The following HGS variants were observed in gnomAD, a reference collection of about 807,000 sequenced individuals.
HGS encodes hepatocyte growth factor-regulated tyrosine kinase substrate, also known as human growth factor-regulated tyrosine kinase substrate.
HGS carries 63 observed loss-of-function variants against 109.7 expected under a neutral mutation model. The ratio of observed to expected loss-of-function variants is 0.57; its 90% CI spans 0.47 to 0.71. The LOEUF (loss-of-function observed/expected upper bound fraction) is 0.71. Ranked by LOEUF, HGS falls within the 30% of genes least tolerant of loss-of-function variation. HGS has a pLI of 0.00. For missense variants in HGS, 995 were observed against 1,068.3 expected (o/e 0.93, Z 0.96); for synonymous variants, 546 against 437.3 (o/e 1.25, Z -3.10).
At position 81,701,576 on chromosome 17, in the gene HGS, G is replaced by A. The variant is rs749407497; in HGVS notation, c.2292G>A (p.Pro764=). Residue 764 remains proline (P), a synonymous_variant, in exon 22 of 22, where the codon CCG becomes CCA. Transcript: ENST00000329138. The part of the protein sequence containing the change: ...PVAQQPQAQG[P]PAQGSEAQLI... ...CCCAGCAACCGCAGGCACAGGGGCC[G>A]CCGGCACAGGGCAGCGAGGCCCAGC... The A allele has an allele frequency of 1.1e-5, 17 of 1,571,014 alleles. No individual in the cohort carries two copies. The Admixed American group carries it at 1.4e-4, about 13-fold the overall frequency.
At position 81,694,910 on chromosome 17, in the gene HGS, C is replaced by G. The variant is rs1172306781; in HGVS notation, c.976-14C>G. 1.2e-6 allele frequency: 2 copies of G among 1,614,240 alleles called. No individual in the cohort carries two copies. Among genetic ancestry groups the G allele is most frequent in the Non-Finnish European group, 1.7e-6 (2 of 1,180,040 alleles). On this transcript the variant is annotated splice_polypyrimidine_tract_variant and intron_variant, in intron 12 of 21. Transcript: ENST00000329138. ...GGTTTCTGGCCTTGGGAGTGACCCCCTCATTGCCTGCAGCTCGCACGGTAT... is the reference window on the plus strand; with the variant it reads ...GGTTTCTGGCCTTGGGAGTGACCCCGTCATTGCCTGCAGCTCGCACGGTAT...
Position 81,693,823 on chromosome 17 carries a change from GGGGCGTCACGTGCACCCAAGTGACGC to G in HGS, c.841-46_841-21del, listed in dbSNP as rs757185228. 1.9e-6 allele frequency: 3 copies of G among 1,563,976 alleles called. No homozygotes were observed. In the African/African-American group the frequency reaches 4.1e-5, roughly 21 times the overall value. On this transcript the variant is annotated intron_variant, in intron 10 of 21. Transcript: ENST00000329138. Reference sequence around the variant, plus strand: ...CTGGATGTGCTGCGGTGGGGCCGGAGGGGCGTCACGTGCACCCAAGTGACGCCCCTTCTGATTCTGCCTCAGAGACA... The same window carrying G: ...CTGGATGTGCTGCGGTGGGGCCGGAGCCCTTCTGATTCTGCCTCAGAGACA...
At position 81,693,567 on chromosome 17, in the gene HGS, T is replaced by A. The variant is rs372459550; in HGVS notation, c.727T>A (p.Ser243Thr). The A allele has an allele frequency of 4.3e-6, 7 of 1,610,582 alleles. No individual in the cohort carries two copies. The highest frequency in any genetic ancestry group is 1.1e-5 in the South Asian group (1 of 90,874). ...CCCCGAGTACCTGACCAGCCCCCTG[T>A]CTCAGCAGTCCCAGGTACTCAGCCC... ...LPPEYLTSPL[S>T]QQSQLPPKRD... is the part of the protein sequence containing the mutation. The change falls in exon 9 of 22, where the codon TCT (serine) becomes ACT (threonine). Residue 243 changes from serine (S) to threonine (T), a missense_variant. Transcript: ENST00000329138.
intron 18 of HGS, 60 bp downstream of exon 18, chr17:81,697,058 T>C (rs2037162868): frequency 6.8e-7 from 1 of 1,475,250 alleles, no homozygotes; most frequent in South Asian, 1.3e-5. Flanking sequence ...TTTAGCCGAA[T>C]TTACAGAAAA....
intron 2 of HGS, 97 bp downstream of exon 2, chr17:81,685,786 G>C (rs1005330699): frequency 9.4e-6 from 8 of 850,056 alleles, no homozygotes; most frequent in South Asian, 3.3e-5. Context: ...GTAGCTGACC[G>C]TGTTAGGCTC....
rs7218012 is a variant in HGS, at chr17:81,695,079, A to G, written c.1119+12A>G. The G allele has an allele frequency of 3.4e-4, 546 of 1,611,892 alleles. 1 individual carries two copies. The African/African-American group carries it at 3.7e-3, about 11-fold the overall frequency. On this transcript the variant is annotated intron_variant, in intron 13 of 21. Coordinates refer to ENST00000329138, the MANE Select transcript of HGS (RefSeq NM_004712.5). ...CCAACGTGGTGGAGGTGAGGGGGCCACTCCCGGCATTCCTAGTGGCAGGGT... is the reference window on the plus strand; with the variant it reads ...CCAACGTGGTGGAGGTGAGGGGGCCGCTCCCGGCATTCCTAGTGGCAGGGT...
intron 4 of HGS, 98 bp from the exon 5 acceptor site, chr17:81,688,606 T>C: frequency 6.8e-7 from 1 of 1,475,858 alleles, no homozygotes; most frequent in Non-Finnish European, 9.3e-7. Context: ...GTCAGCCCCA[T>C]CTGCTCAGAG....
At chr17:81,690,048 C>A in intron 5 of HGS, 134 bp from the exon 6 acceptor site, 1 of 882,568 alleles carries the variant, frequency 1.1e-6, no homozygotes, top group East Asian at 2.7e-5. Context: ...AGGAGGCTGT[C>A]TCGGTGCCCC....
rs373883614 is a variant in HGS, at chr17:81,700,489, C to T, written c.1905C>T (p.Tyr635=). Reference sequence around the variant, plus strand: ...CAGATCCCAGCATGGTGAGTGCCTACATGTACCCAGCAGGGGCCACTGGGG... The same window carrying T: ...CAGATCCCAGCATGGTGAGTGCCTATATGTACCCAGCAGGGGCCACTGGGG... ...TAADPSMVSA[Y]MYPAGATGAQ... The change falls in exon 19 of 22, where the codon TAC becomes TAT. Residue 635 remains tyrosine, a synonymous_variant. Transcript: ENST00000329138. The T allele has an allele frequency of 5.6e-5, 90 of 1,596,776 alleles. No individual in the cohort carries two copies. The highest frequency in any genetic ancestry group is 4.2e-4 in the East Asian group (19 of 44,734).
At chr17:81,688,891 G>A (rs1030238034) in intron 5 of HGS, 64 bp downstream of exon 5, 19 of 1,601,044 alleles carry the variant, frequency 1.2e-5, no homozygotes, top group Middle Eastern at 1.7e-4. Context: ...CAGGCTCAAC[G>A]GGCACAGTGG....
At position 81,696,549 on chromosome 17, in the gene HGS, A is replaced by C. The variant is rs2037151635; in HGVS notation, c.1566+20A>C. The C allele has an allele frequency of 6.5e-7, 1 of 1,538,978 alleles. No homozygotes were observed. The highest frequency in any genetic ancestry group is 2.3e-5 in the East Asian group (1 of 43,276). ...AAGCAGGTGCAGTGGCTGCCCAGCC[A>C]CAGGCCGGGGCCGGCTGGGGGACCT... On this transcript the variant is annotated intron_variant, in intron 16 of 21. Transcript: ENST00000329138.
Position 81,695,830 on chromosome 17 carries a change from C to G in HGS, c.1224C>G (p.Phe408Leu). 1 of 1,613,530 alleles carries G rather than the reference C, an allele frequency of 6.2e-7. No homozygotes were observed. The highest frequency in any genetic ancestry group is 8.5e-7 in the Non-Finnish European group (1 of 1,180,002). Reference sequence around the variant, plus strand: ...AGTCTGAGGAGAGCCACGAGCAGTTCCTGAAGGCGCTGCAGAACGCCGTCA... The same window carrying G: ...AGTCTGAGGAGAGCCACGAGCAGTTGCTGAAGGCGCTGCAGAACGCCGTCA... ...NGESEESHEQFLKALQNAVTT... is the reference protein window; with the variant it reads ...NGESEESHEQLLKALQNAVTT... Residue 408 changes from phenylalanine to leucine, a missense_variant, in exon 15 of 22, where the codon TTC becomes TTG. Physicochemically the swap from Phe to Leu is conservative, Grantham distance 22. Coordinates refer to ENST00000329138, the MANE Select transcript of HGS (RefSeq NM_004712.5).
chr17:81,686,408 C>G (rs759959815), intron 3 of HGS, 21 bp downstream of exon 3: 1 of 1,595,682 alleles, frequency 6.3e-7, no homozygotes, highest in East Asian at 2.2e-5. Flanking sequence ...CCCCGTGCCT[C>G]AGTGGCCCCC....
At position 81,701,785 on chromosome 17, in the gene HGS, A is replaced by G; in HGVS notation, c.*167A>G. On this transcript the variant is annotated 3_prime_UTR_variant, in exon 22 of 22. Coordinates refer to ENST00000329138, the MANE Select transcript of HGS (RefSeq NM_004712.5). Reference sequence around the variant, plus strand: ...AGCCCACCTCCCTTGTCCTCAGCCTACTGCAGTCCCTGAGTTAGTCTCTGC... The same window carrying G: ...AGCCCACCTCCCTTGTCCTCAGCCTGCTGCAGTCCCTGAGTTAGTCTCTGC... 1 of 987,364 alleles carries G rather than the reference A, an allele frequency of 1.0e-6. No individual in the cohort carries two copies. Among genetic ancestry groups the G allele is most frequent in the Non-Finnish European group, 1.4e-6 (1 of 707,172 alleles). The allele number at this position is 987,364 out of a possible 1,614,324, so 61.2% of individuals were successfully genotyped here. A position where few individuals can be genotyped will look rare whatever the true frequency, so the allele number is the denominator to read the frequency against.
At chr17:81,698,744 T>C (rs1393375680) in intron 18 of HGS, among the ~76,000 whole-genome samples, 1 of 152,174 alleles carries the variant, frequency 6.6e-6, no homozygotes, top group Non-Finnish European at 1.5e-5. Context: ...TCTGTGTATG[T>C]GCGAATACAT....
chr17:81,701,599 A>G lies in HGS; in HGVS notation c.2315A>G (p.Gln772Arg), dbSNP rs1175560208. ...QGPPAQGSEAQLISFD is the reference protein window; with the variant it reads ...QGPPAQGSEARLISFD ...CCGCCGGCACAGGGCAGCGAGGCCC[A>G]GCTCATTTCATTCGACTGACCCAGG... Residue 772 changes from glutamine (Q) to arginine (R), a missense_variant, in exon 22 of 22, where the codon CAG becomes CGG. By Grantham distance (43) the Gln-to-Arg change is conservative. Coordinates refer to ENST00000329138, the MANE Select transcript of HGS (RefSeq NM_004712.5). 1 of 1,567,626 alleles carries G rather than the reference A, an allele frequency of 6.4e-7. No homozygotes were observed. The highest frequency in any genetic ancestry group is 1.2e-5 in the South Asian group (1 of 86,558).
At position 81,701,516 on chromosome 17, in the gene HGS, C is replaced by A. The variant is rs375749712; in HGVS notation, c.2232C>A (p.Pro744=). Residue 744 remains proline, a synonymous_variant, in exon 22 of 22, where the codon CCC becomes CCA. Transcript: ENST00000329138. ...GQQPMYQQMA[P]SGGPPQQQPP... ...GCTTTCCTCCTGCACAGATGGCACCCTCTGGCGGTCCCCCCCAGCAGCAGC... is the reference window on the plus strand; with the variant it reads ...GCTTTCCTCCTGCACAGATGGCACCATCTGGCGGTCCCCCCCAGCAGCAGC... 36 of 1,557,304 alleles carry A rather than the reference C, an allele frequency of 2.3e-5. No homozygotes were observed. The East Asian group carries it at 8.3e-4, about 36-fold the overall frequency.
intron 18 of HGS, among the ~76,000 whole-genome samples, chr17:81,700,221 T>C (rs1019285263): frequency 6.7e-6 from 1 of 150,326 alleles, no homozygotes; most frequent in African/African-American, 2.5e-5. Flanking sequence ...AAAAAAAAAT[T>C]AGCCGGGCGT....
In HGS at chr17:81,691,177, T is replaced by C. The variant is rs2037058963; in HGVS notation, c.538-270T>C. On this transcript the variant is annotated intron_variant, in intron 7 of 21. Coordinates refer to ENST00000329138, the MANE Select transcript of HGS (RefSeq NM_004712.5). This position sits in a 1 kb window ranked among gnomAD's most constrained non-coding sequence, Gnocchi z 5.3. Reference sequence around the variant, plus strand: ...CACCCACTGCACTCACAAAAGCTCTTGTTTTATCAGCAGAATTGATGTGTA... The same window carrying C: ...CACCCACTGCACTCACAAAAGCTCTCGTTTTATCAGCAGAATTGATGTGTA... 1 of 487,330 alleles carries C rather than the reference T, an allele frequency of 2.1e-6. No individual in the cohort carries two copies. Among genetic ancestry groups the C allele is most frequent in the Admixed American group, 3.3e-5 (1 of 30,168 alleles). 30.2% of individuals were successfully genotyped at this position (487,330 alleles called of 1,614,324 possible). A position where few individuals can be genotyped will look rare whatever the true frequency, so the allele number is the denominator to read the frequency against.
Sources: gnomAD v4.1 joint callset for allele counts (sites outside exome capture counted in the v4.1 genomes callset) on GRCh38, gnomAD v4.1.1 for gene constraint, Gnocchi (gnomAD v3.1) non-coding constraint, MANE v1.5 for transcripts, NCBI Gene and HGNC (gene_info 2026-07-23, HGNC 2026-07-21) for gene names.